Variants in CNTN5 observed in about 807,000 individuals in gnomAD.
The protein encoded by CNTN5 is contactin 5.
In CNTN5, 77 loss-of-function variants were observed where a neutral mutation model predicts 129.1. The observed-to-expected ratio is 0.60, with a 90% CI of 0.50 to 0.72. The LOEUF is 0.72. Among genes scored for constraint, CNTN5 ranks in the 30% least tolerant of loss-of-function variants. The pLI, the probability that CNTN5 is intolerant of heterozygous loss-of-function variation, is 0.00. For missense variants in CNTN5, 1,478 were observed against 1,328.8 expected, an observed-to-expected ratio of 1.11 and a Z score of -1.75; for synonymous variants, 509 against 465.6, an observed-to-expected ratio of 1.09 and a Z score of -1.20.
chr11:99,707,787 T>C (rs1384155609), intron 3 of CNTN5, among the ~76,000 whole-genome samples: 1 of 151,688 alleles, frequency 6.6e-6, no homozygotes, highest in African/African-American at 2.4e-5. Context: ...CCTTCCCATA[T>C]AATCTCTCAG....
At chr11:100,017,645 CAAA>C (rs1591061946) in intron 9 of CNTN5, among the ~76,000 whole-genome samples, 1 of 152,058 alleles carries the variant, frequency 6.6e-6, no homozygotes, top group East Asian at 1.9e-4. Flanking sequence ...AGTTAATAAA[CAAA>C]AGATCTCTCA....
chr11:99,615,919 C>T (rs979549009), intron 3 of CNTN5, among the ~76,000 whole-genome samples: 4 of 151,650 alleles, frequency 2.6e-5, no homozygotes, highest in Non-Finnish European at 2.9e-5. Context: ...TGCTTTTTGC[C>T]GAGACAGGGT....
intron 1 of CNTN5, among the ~76,000 whole-genome samples, chr11:99,237,694 A>C (rs993049249): frequency 6.6e-6 from 1 of 152,156 alleles, no homozygotes; most frequent in Non-Finnish European, 1.5e-5. Flanking sequence ...AGAAAAAAAA[A>C]AGGCATTTAT....
At chr11:99,040,059 G>C (rs182239729) in intron 1 of CNTN5, among the ~76,000 whole-genome samples, 11 of 152,176 alleles carry the variant, frequency 7.2e-5, no homozygotes, top group Admixed American at 5.9e-4. Context: ...CAATTACCTA[G>C]CAAATATTTG....
intron 15 of CNTN5, among the ~76,000 whole-genome samples, chr11:100,203,946 A>T (rs974809081): frequency 6.6e-6 from 1 of 151,744 alleles, no homozygotes; most frequent in African/African-American, 2.4e-5. Context: ...ATGTTCTCAC[A>T]TGCTGACCCA....
At chr11:100,187,286 G>A (rs1948326695) in intron 13 of CNTN5, among the ~76,000 whole-genome samples, 1 of 151,916 alleles carries the variant, frequency 6.6e-6, no homozygotes, top group Non-Finnish European at 1.5e-5. Flanking sequence ...GAGTCATTTG[G>A]CAGTCTTTAG....
chr11:100,035,434 TG>T (rs1184030011), intron 9 of CNTN5, among the ~76,000 whole-genome samples: 2 of 146,820 alleles, frequency 1.4e-5, no homozygotes, highest in African/African-American at 2.6e-5. Context: ...TAAACATACG[TG>T]TGCATGTGTC....
At chr11:99,417,125 G>C (rs1375240521) in intron 2 of CNTN5, among the ~76,000 whole-genome samples, 1 of 152,040 alleles carries the variant, frequency 6.6e-6, no homozygotes, top group Non-Finnish European at 1.5e-5. Flanking sequence ...TTAAATTACT[G>C]TTCAATCAAG....
chr11:99,041,089 G>C (rs966166854), intron 1 of CNTN5, among the ~76,000 whole-genome samples: 1 of 152,038 alleles, frequency 6.6e-6, no homozygotes, highest in African/African-American at 2.4e-5. Flanking sequence ...ACACAAAACT[G>C]AGCCTGGCCT....
At chr11:100,026,037 T>C (rs1791680014) in intron 9 of CNTN5, among the ~76,000 whole-genome samples, 2 of 152,182 alleles carry the variant, frequency 1.3e-5, no homozygotes. Flanking sequence ...GGAAGAATGA[T>C]ATGTTTAGGG....
chr11:99,731,521 T>C (rs17134284), intron 3 of CNTN5, among the ~76,000 whole-genome samples: 9,899 of 152,240 alleles, frequency 0.065, 500 homozygotes, highest in South Asian at 0.24. Context: ...AATTAAGCCC[T>C]TATTTAGAGA....
At chr11:99,599,079 A>G (rs1301349254) in intron 3 of CNTN5, among the ~76,000 whole-genome samples, 2 of 152,142 alleles carry the variant, frequency 1.3e-5, no homozygotes, top group Non-Finnish European at 2.9e-5. Flanking sequence ...GAAATAATGT[A>G]GATACATGGT....
intron 1 of CNTN5, among the ~76,000 whole-genome samples, chr11:99,080,984 T>G (rs1237148669): frequency 6.6e-6 from 1 of 151,120 alleles, no homozygotes; most frequent in Non-Finnish European, 1.5e-5. Flanking sequence ...AAATCAGTTT[T>G]TTTTTTTTTT....
At position 100,074,149 on chromosome 11, in the gene CNTN5, G is replaced by T. The variant is rs199797528; in HGVS notation, c.1435G>T (p.Ala479Ser). The T allele has an allele frequency of 6.2e-7, 1 of 1,611,106 alleles. No homozygotes were observed. The highest frequency in any genetic ancestry group is 1.3e-5 in the African/African-American group (1 of 74,776). Reference sequence around the variant, plus strand: ...AACATTTGCTTTTTTAATAGCTTCAGCTCCCACTTTTGCACTGAATCAACT... The same window carrying T: ...AACATTTGCTTTTTTAATAGCTTCATCTCCCACTTTTGCACTGAATCAACT... The part of the protein sequence containing the change: ...ASAELKILAS[A>S]PTFALNQLKK... The change falls in exon 13 of 25, where the codon GCT becomes TCT. Residue 479 changes from alanine (A) to serine (S), a missense_variant. Coordinates refer to ENST00000524871, the MANE Select transcript of CNTN5 (RefSeq NM_014361.4).
At chr11:99,609,375 G>A (rs765544197) in intron 3 of CNTN5, among the ~76,000 whole-genome samples, 1 of 152,038 alleles carries the variant, frequency 6.6e-6, no homozygotes, top group Non-Finnish European at 1.5e-5. Flanking sequence ...ACTAAGGAAG[G>A]GCTCCTCATA....
chr11:99,753,314 G>A, intron 3 of CNTN5, among the ~76,000 whole-genome samples: 1 of 150,786 alleles, frequency 6.6e-6, no homozygotes, highest in East Asian at 2.0e-4. Flanking sequence ...AGTAGAGATG[G>A]GGTTTCACCG....
intron 13 of CNTN5, among the ~76,000 whole-genome samples, chr11:100,141,162 G>C (rs933650106): frequency 6.6e-6 from 1 of 151,964 alleles, no homozygotes; most frequent in African/African-American, 2.4e-5. Flanking sequence ...GTTGGAGAGG[G>C]GTAGAATTCG....
chr11:99,216,837 C>T (rs569927285), intron 1 of CNTN5, among the ~76,000 whole-genome samples: 1 of 151,974 alleles, frequency 6.6e-6, no homozygotes, highest in Non-Finnish European at 1.5e-5. Flanking sequence ...GAAGAGGCAA[C>T]CCACAGAGAG....
intron 3 of CNTN5, among the ~76,000 whole-genome samples, chr11:99,804,727 G>A (rs1485568621): frequency 6.6e-6 from 1 of 151,220 alleles, no homozygotes; most frequent in African/African-American, 2.4e-5. Context: ...AAAAATAAAT[G>A]TATATACTAA....
Sources: allele counts gnomAD v4.1 joint callset (sites outside exome capture counted in the v4.1 genomes callset), GRCh38; gene constraint gnomAD v4.1.1; transcripts MANE v1.5; gene names NCBI Gene and HGNC (gene_info 2026-07-23, HGNC 2026-07-21).